STX18: variants seen among roughly 807,000 people sequenced by gnomAD.
STX18 encodes the protein syntaxin-18.
Under a neutral mutation model 50.1 loss-of-function variants are expected in STX18, and 40 were observed. The observed-to-expected ratio is 0.80, with a 90% CI of 0.62 to 1.04. The LOEUF (loss-of-function observed/expected upper bound fraction) is 1.04. STX18 is among the 50% of genes least tolerant of loss of function. The pLI is 0.00. For missense variants in STX18, 410 were observed against 415.8 expected (o/e 0.99, Z 0.12); for synonymous variants, 158 against 151.8 (o/e 1.04, Z -0.30).
chr4:4,450,006 C>G (rs1726663917), intron 5 of STX18, among the ~76,000 whole-genome samples: 1 of 152,144 alleles, frequency 6.6e-6, no homozygotes, highest in South Asian at 2.1e-4. Context: ...CAGCCATTTC[C>G]CTAAGAGGCC....
intron 1 of STX18, among the ~76,000 whole-genome samples, chr4:4,501,021 ACAG>A (rs1234296557): frequency 6.6e-6 from 1 of 152,212 alleles, no homozygotes; most frequent in Non-Finnish European, 1.5e-5. Context: ...GGGGCCAACA[ACAG>A]CAAGACTCCA....
At chr4:4,537,932 G>C (rs1025166732) in intron 1 of STX18, among the ~76,000 whole-genome samples, 1 of 152,150 alleles carries the variant, frequency 6.6e-6, no homozygotes, top group African/African-American at 2.4e-5. Flanking sequence ...AATTACAGGA[G>C]AATGTAGTGG....
rs1694277877 is a variant in STX18, at chr4:4,419,369, C to A, written c.*665G>T. 6.6e-6 allele frequency: 1 copy of A among 152,204 alleles called. No individual in the cohort carries two copies. The highest frequency in any genetic ancestry group is 2.4e-5 in the African/African-American group (1 of 41,444). 9.4% of individuals were successfully genotyped at this position (152,204 alleles called of 1,614,324 possible). A position where few individuals can be genotyped will look rare whatever the true frequency, so the allele number is the denominator to read the frequency against. Reference sequence around the variant, plus strand: ...CTTTGGAGGAGTAATGCCAGGCAGCCCCTCACTGAGGGCCCCAGTCTCCCC... The same window carrying A: ...CTTTGGAGGAGTAATGCCAGGCAGCACCTCACTGAGGGCCCCAGTCTCCCC... On this transcript the variant is annotated 3_prime_UTR_variant, in exon 11 of 11. Coordinates refer to ENST00000306200, the MANE Select transcript of STX18 (RefSeq NM_016930.4).
intron 1 of STX18, among the ~76,000 whole-genome samples, chr4:4,526,764 T>G (rs1172128267): frequency 6.9e-6 from 1 of 144,660 alleles, no homozygotes. Context: ...AGCCCAAGAG[T>G]TTGAGGTCAG....
Position 4,541,857 on chromosome 4 carries a change from G to C in STX18, c.108C>G (p.Asp36Glu). 1.2e-6 allele frequency: 2 copies of C among 1,610,890 alleles called. No individual in the cohort carries two copies. Among genetic ancestry groups the C allele is most frequent in the African/African-American group, 1.3e-5 (1 of 74,948 alleles). ...AVGGGVDGSR[D>E]ELFRRSPRPK... is the part of the protein sequence containing the mutation. ...GCCGGGGGCTCCGGCGGAACAGCTC[G>C]TCCCGGCTGCCATCGACCCCGCCGC... is the stretch of plus-strand genomic sequence containing the variant. The change falls in exon 1 of 11, where the codon GAC becomes GAG. Residue 36 changes from aspartate (D) to glutamate (E), a missense_variant. By Grantham distance (45) the Asp-to-Glu change is conservative. Coordinates refer to ENST00000306200, the MANE Select transcript of STX18 (RefSeq NM_016930.4).
chr4:4,511,752 GTGTGTGTGTA>G (rs1436984449), intron 1 of STX18, among the ~76,000 whole-genome samples: 1,914 of 137,946 alleles, frequency 0.014, 44 homozygotes, highest in African/African-American at 0.048. Flanking sequence ...GTGTGTGTGT[GTGTGTGTGTA>G]TGCCCCTAGG....
At chr4:4,425,366 G>C in intron 7 of STX18, 144 bp from the exon 8 acceptor site, 1 of 707,014 alleles carries the variant, frequency 1.4e-6, no homozygotes, top group Non-Finnish European at 2.5e-6. Context: ...CTGGACGACC[G>C]TTAGCATTAG....
chr4:4,438,354 A>T, intron 6 of STX18, 40 bp downstream of exon 6: 1 of 1,473,792 alleles, frequency 6.8e-7, no homozygotes, highest in Non-Finnish European at 9.5e-7. Context: ...ACATGTCACA[A>T]GGAAGAAATG....
chr4:4,460,819 C>A (rs1256348182), intron 2 of STX18, among the ~76,000 whole-genome samples: 2 of 152,126 alleles, frequency 1.3e-5, no homozygotes, highest in African/African-American at 4.8e-5. Flanking sequence ...AACAGTGAGA[C>A]AAAGGCGCTA....
At chr4:4,443,248 G>A (rs573191998) in intron 5 of STX18, among the ~76,000 whole-genome samples, 19 of 152,324 alleles carry the variant, frequency 1.2e-4, no homozygotes, top group African/African-American at 4.6e-4. Context: ...TTTTAATATG[G>A]CAAAGGCCTA....
chr4:4,486,155 GATA>G (rs2108857049), intron 1 of STX18, among the ~76,000 whole-genome samples: 1 of 152,274 alleles, frequency 6.6e-6, no homozygotes, highest in South Asian at 2.1e-4. Flanking sequence ...GAAATTCCAA[GATA>G]ATTTTTGGGT....
In STX18 at chr4:4,507,530, C is replaced by CA. The variant is rs200779476; in HGVS notation, c.168+34266dup. On this transcript the variant is annotated intron_variant, in intron 1 of 10. Coordinates refer to ENST00000306200, the MANE Select transcript of STX18 (RefSeq NM_016930.4). ...CCTAAGCCAATTCGAAAAAGCCGCA[C>CA]AAAAAATAAGCAAAAGCGTCCCAGG... The CA allele has an allele frequency of 8.1e-4, 622 of 769,650 alleles. 5 individuals are homozygous for CA. In the African/African-American group the frequency reaches 8.7e-3, roughly 11 times the overall value. The allele number at this position is 769,650 out of a possible 1,614,324, so 47.7% of individuals were successfully genotyped here.
chr4:4,461,807 AC>A, intron 2 of STX18: 2 of 453,048 alleles, frequency 4.4e-6, no homozygotes, highest in South Asian at 1.6e-5. Flanking sequence ...CCCAAATGAC[AC>A]CTTGCCTCCT....
At chr4:4,495,510 T>C (rs1237978092) in intron 1 of STX18, among the ~76,000 whole-genome samples, 3 of 151,310 alleles carry the variant, frequency 2.0e-5, no homozygotes, top group Non-Finnish European at 4.4e-5. Context: ...TGCCTCAGCC[T>C]CCCAAGTAAC....
At chr4:4,540,110 A>T (rs749040292) in intron 1 of STX18, among the ~76,000 whole-genome samples, 1 of 152,172 alleles carries the variant, frequency 6.6e-6, no homozygotes, top group Non-Finnish European at 1.5e-5. Flanking sequence ...TCCCACTTTA[A>T]TTTGTTACAT....
intron 1 of STX18, among the ~76,000 whole-genome samples, chr4:4,477,125 C>T (rs944547807): frequency 6.6e-6 from 1 of 152,102 alleles, no homozygotes; most frequent in African/African-American, 2.4e-5. Context: ...TGCCTGTAAT[C>T]CCAGCTACTC....
At chr4:4,533,166 C>G (rs1034780817) in intron 1 of STX18, among the ~76,000 whole-genome samples, 1 of 152,228 alleles carries the variant, frequency 6.6e-6, no homozygotes, top group Non-Finnish European at 1.5e-5. Context: ...ATCATACTTT[C>G]ATTCCTCTGG....
Position 4,446,202 on chromosome 4 carries a change from T to C in STX18, c.498-7693A>G, listed in dbSNP as rs1358073721. 2.0e-5 allele frequency among the ~76,000 whole-genome samples: 3 copies of C among 152,090 alleles called. No individual in the cohort carries two copies. In the East Asian group the frequency reaches 5.8e-4, roughly 29 times the overall value. On this transcript the variant is annotated intron_variant, in intron 5 of 10. Coordinates refer to ENST00000306200, the MANE Select transcript of STX18 (RefSeq NM_016930.4). ...AACCCCATTTCATCCTATCAAAAAG[T>C]TGGTCTGAGACAGATGATAGACCTA... is the stretch of plus-strand genomic sequence containing the variant.
chr4:4,480,717 A>C (rs1728419511), intron 1 of STX18, among the ~76,000 whole-genome samples: 2 of 152,200 alleles, frequency 1.3e-5, no homozygotes, highest in Non-Finnish European at 2.9e-5. Context: ...AATAAACTCC[A>C]AACATACTAA....
Sources: gnomAD v4.1 joint callset for allele counts (sites outside exome capture counted in the v4.1 genomes callset) on GRCh38, gnomAD v4.1.1 for gene constraint, MANE v1.5 for transcripts, NCBI Gene and HGNC (gene_info 2026-07-23, HGNC 2026-07-21) for gene names.